GRID2: variants seen among roughly 807,000 people sequenced by gnomAD.
The protein encoded by GRID2 is glutamate ionotropic receptor delta type subunit 2, also known as glutamate receptor ionotropic, delta-2.
A neutral mutation model predicts 114.8 loss-of-function variants in GRID2; 33 were observed. That is an observed-to-expected ratio of 0.29 (90% confidence interval 0.22 to 0.38). The LOEUF (loss-of-function observed/expected upper bound fraction) is 0.38. GRID2 is among the 10% of genes least tolerant of loss of function. GRID2 has a pLI of 1.00. For missense variants in GRID2, 1,184 were observed against 1,257.7 expected, an observed-to-expected ratio of 0.94 and a Z score of 0.89; for synonymous variants, 505 against 449.9, an observed-to-expected ratio of 1.12 and a Z score of -1.55.
intron 4 of GRID2, among the ~76,000 whole-genome samples, chr4:93,165,185 T>C (rs574815454): frequency 1.1e-4 from 17 of 152,182 alleles, no homozygotes; most frequent in African/African-American, 3.9e-4. Flanking sequence ...TGTAAGCAGA[T>C]ATCACATCAA....
At chr4:92,377,168 G>T (rs1189711180) in intron 1 of GRID2, among the ~76,000 whole-genome samples, 1 of 152,046 alleles carries the variant, frequency 6.6e-6, no homozygotes, top group African/African-American at 2.4e-5. Flanking sequence ...AAAACTAAAT[G>T]TCCTTAACAG....
chr4:92,433,900 G>C (rs1381219665), intron 1 of GRID2, among the ~76,000 whole-genome samples: 1 of 152,138 alleles, frequency 6.6e-6, no homozygotes, highest in Non-Finnish European at 1.5e-5. Context: ...TTAAAAGAGA[G>C]CAAGCAAGAA....
At chr4:93,761,554 TAAC>T (rs1733210222) in intron 14 of GRID2, among the ~76,000 whole-genome samples, 1 of 152,160 alleles carries the variant, frequency 6.6e-6, no homozygotes, top group African/African-American at 2.4e-5. Context: ...ATCTGACCCT[TAAC>T]AAGAAAAGCT....
At chr4:93,517,002 A>G (rs958842523) in intron 13 of GRID2, among the ~76,000 whole-genome samples, 24 of 152,080 alleles carry the variant, frequency 1.6e-4, no homozygotes, top group Admixed American at 9.2e-4. Flanking sequence ...GGGCACATCA[A>G]TCCGGGTTTG....
At chr4:92,527,994 TA>T (rs1206467597) in intron 1 of GRID2, among the ~76,000 whole-genome samples, 2 of 152,156 alleles carry the variant, frequency 1.3e-5, no homozygotes, top group Non-Finnish European at 2.9e-5. Flanking sequence ...ATGCTAAAGA[TA>T]AAAACAATGA....
chr4:93,566,582 C>T, intron 13 of GRID2, among the ~76,000 whole-genome samples: 1 of 151,972 alleles, frequency 6.6e-6, no homozygotes, highest in Non-Finnish European at 1.5e-5. Context: ...CCAGCCTGGG[C>T]AAAATGGCAA....
intron 8 of GRID2, among the ~76,000 whole-genome samples, chr4:93,249,373 A>G (rs1748576607): frequency 6.6e-6 from 1 of 152,154 alleles, no homozygotes; most frequent in Non-Finnish European, 1.5e-5. Context: ...TTGGTTCCAT[A>G]TGAAAATTAA....
chr4:93,307,235 G>T (rs575018076), intron 8 of GRID2, among the ~76,000 whole-genome samples: 1 of 151,398 alleles, frequency 6.6e-6, no homozygotes, highest in Non-Finnish European at 1.5e-5. Context: ...AAAAATAAGA[G>T]GAAAAGGAAA....
At chr4:93,000,653 G>A (rs1306170420) in intron 2 of GRID2, among the ~76,000 whole-genome samples, 5 of 151,488 alleles carry the variant, frequency 3.3e-5, no homozygotes, top group African/African-American at 9.7e-5. Flanking sequence ...TGATTTAATA[G>A]CAATTTACCT....
Position 92,709,588 on chromosome 4 carries a change from A to AT in GRID2, c.244+119302_244+119303insT, listed in dbSNP as rs1560545336. ...TAGTGTAGAGAAAAAAAAAAAAAAA[A>AT]AATATATATATATATATATATGTAA... On this transcript the variant is annotated intron_variant, in intron 2 of 15. Coordinates refer to ENST00000282020, the MANE Select transcript of GRID2 (RefSeq NM_001510.4). Among the ~76,000 whole-genome samples, 1,068 of 131,258 alleles carry AT rather than the reference A, an allele frequency of 8.1e-3. 4 individuals carry two copies. Among genetic ancestry groups the AT allele is most frequent in the African/African-American group, 0.026 (860 of 33,086 alleles). 86.1% of individuals were successfully genotyped at this position (131,258 alleles called of 152,430 possible).
chr4:92,570,331 C>T (rs913763277), intron 1 of GRID2, among the ~76,000 whole-genome samples: 1 of 152,028 alleles, frequency 6.6e-6, no homozygotes, highest in African/African-American at 2.4e-5. Flanking sequence ...GTTTCTATAC[C>T]AGTACCATGC....
intron 2 of GRID2, among the ~76,000 whole-genome samples, chr4:92,696,012 T>C (rs1299926054): frequency 6.6e-6 from 1 of 152,188 alleles, no homozygotes; most frequent in Non-Finnish European, 1.5e-5. Flanking sequence ...GAAATACATA[T>C]GCTTCACTAA....
rs1750358221 is a variant in GRID2, at chr4:92,932,920, T to A, written c.245-152075T>A. On this transcript the variant is annotated intron_variant, in intron 2 of 15. Transcript: ENST00000282020. ...AATTGAAATTAGACTGTTGTTGCTTTTGGGTAGAAGTGGGAATGATTGAAA... is the reference window on the plus strand; with the variant it reads ...AATTGAAATTAGACTGTTGTTGCTTATGGGTAGAAGTGGGAATGATTGAAA... Among the ~76,000 whole-genome samples the A allele has an allele frequency of 2.6e-5, 4 of 151,338 alleles. 1 individual carries two copies. In the South Asian group the frequency reaches 8.3e-4, roughly 31 times the overall value.
intron 9 of GRID2, among the ~76,000 whole-genome samples, chr4:93,404,391 A>T (rs1766206668): frequency 6.6e-6 from 1 of 152,080 alleles, no homozygotes; most frequent in Admixed American, 6.6e-5. Context: ...ATATTATGTA[A>T]ATTATATCTG....
chr4:92,722,398 G>GA (rs963849174), intron 2 of GRID2, among the ~76,000 whole-genome samples: 1 of 151,718 alleles, frequency 6.6e-6, no homozygotes, highest in African/African-American at 2.4e-5. Flanking sequence ...TCTGAACCAA[G>GA]AAAAAAAATA....
chr4:93,578,726 TG>T (rs1736678667), intron 13 of GRID2, among the ~76,000 whole-genome samples: 1 of 151,442 alleles, frequency 6.6e-6, no homozygotes, highest in Admixed American at 6.6e-5. Flanking sequence ...CCCAAGTAGC[TG>T]GGACTACAGG....
chr4:92,805,118 A>T (rs559465077), intron 2 of GRID2, among the ~76,000 whole-genome samples: 1 of 152,116 alleles, frequency 6.6e-6, no homozygotes, highest in African/African-American at 2.4e-5. Flanking sequence ...TACATGATGA[A>T]ACTAAGAAAC....
chr4:92,896,449 C>G (rs1747170283), intron 2 of GRID2, among the ~76,000 whole-genome samples: 1 of 151,888 alleles, frequency 6.6e-6, no homozygotes, highest in Admixed American at 6.6e-5. Context: ...TTGTTTGGCC[C>G]TTATTCAAAT....
intron 1 of GRID2, among the ~76,000 whole-genome samples, chr4:92,465,532 A>G (rs1316040301): frequency 6.6e-6 from 1 of 152,120 alleles, no homozygotes; most frequent in African/African-American, 2.4e-5. Flanking sequence ...GCAATAAAAA[A>G]CTAGTAGAAT....
Sources: gnomAD v4.1 joint callset for allele counts (sites outside exome capture counted in the v4.1 genomes callset) on GRCh38, gnomAD v4.1.1 for gene constraint, MANE v1.5 for transcripts, NCBI Gene and HGNC (gene_info 2026-07-23, HGNC 2026-07-21) for gene names.